Variants in PLCL1 observed in about 807,000 individuals in gnomAD.
PLCL1 encodes phospholipase C like 1 (inactive), also known as inactive phospholipase C-like protein 1.
In PLCL1, 41 loss-of-function variants were observed where a neutral mutation model predicts 84.4. The ratio of observed to expected loss-of-function variants is 0.49; its 90% CI spans 0.38 to 0.63. The LOEUF is 0.63. Among genes scored for constraint, PLCL1 ranks in the 30% least tolerant of loss-of-function variants. The pLI is 0.00. For synonymous variants in PLCL1, 490 were observed against 488.3 expected, an observed-to-expected ratio of 1.00 and a Z score of -0.05; for missense variants, 1,206 against 1,367.8, an observed-to-expected ratio of 0.88 and a Z score of 1.87.
chr2:197,973,172 G>A (rs1054369226), intron 1 of PLCL1, among the ~76,000 whole-genome samples: 1 of 152,174 alleles, frequency 6.6e-6, no homozygotes, highest in Admixed American at 6.5e-5. Flanking sequence ...GTTCCCAGAG[G>A]CTCTCAGCCA....
chr2:197,930,270 T>G (rs1209847298), intron 1 of PLCL1, among the ~76,000 whole-genome samples: 1 of 152,218 alleles, frequency 6.6e-6, no homozygotes, highest in Admixed American at 6.5e-5. Context: ...AGGAGAATCT[T>G]TAATTACTAC....
chr2:198,047,165 A>ATG (rs10560234), intron 1 of PLCL1, among the ~76,000 whole-genome samples: 2,998 of 148,824 alleles, frequency 0.02, 32 homozygotes, highest in East Asian at 0.045. Flanking sequence ...ATGTGTGTGT[A>ATG]TGTGTGTGTG....
chr2:197,923,362 G>A lies in PLCL1; in HGVS notation c.240+118023G>A, dbSNP rs540788596. Among the ~76,000 whole-genome samples the A allele has an allele frequency of 2.7e-4, 39 of 146,962 alleles. No individual in the cohort carries two copies. The South Asian group carries it at 7.8e-3, about 29-fold the overall frequency. ...TGGAGAGGCTCCTCACTTCTCAGAC[G>A]GGGCAGCTGCCGGTCGGAGGGTCTC... On this transcript the variant is annotated intron_variant, in intron 1 of 5. Coordinates refer to ENST00000428675, the MANE Select transcript of PLCL1 (RefSeq NM_006226.4).
At chr2:197,947,474 G>T (rs930339273) in intron 1 of PLCL1, among the ~76,000 whole-genome samples, 7 of 151,984 alleles carry the variant, frequency 4.6e-5, no homozygotes, top group African/African-American at 1.5e-4. Flanking sequence ...TGGGCAGAGG[G>T]TGATCCTGGA....
At chr2:197,855,216 G>C (rs915275177) in intron 1 of PLCL1, among the ~76,000 whole-genome samples, 1 of 152,258 alleles carries the variant, frequency 6.6e-6, no homozygotes, top group African/African-American at 2.4e-5. Flanking sequence ...CCTGACATTA[G>C]TTTCCTCTCA....
At chr2:197,912,898 A>G (rs1221374603) in intron 1 of PLCL1, among the ~76,000 whole-genome samples, 4 of 148,090 alleles carry the variant, frequency 2.7e-5, no homozygotes, top group Non-Finnish European at 6.0e-5. Context: ...ACATGTATAC[A>G]TATGTAACTA....
intron 1 of PLCL1, among the ~76,000 whole-genome samples, chr2:197,928,412 C>G (rs909932376): frequency 2.0e-5 from 3 of 152,110 alleles, no homozygotes; most frequent in African/African-American, 7.2e-5. Context: ...CTCTTGACCC[C>G]ATTATATTTT....
intron 5 of PLCL1, among the ~76,000 whole-genome samples, chr2:198,138,782 T>C (rs961429391): frequency 6.6e-6 from 1 of 152,208 alleles, no homozygotes; most frequent in African/African-American, 2.4e-5. Flanking sequence ...TAATCCATGG[T>C]GGGCATCCGC....
intron 1 of PLCL1, among the ~76,000 whole-genome samples, chr2:198,074,838 A>G (rs1559094288): frequency 6.6e-6 from 1 of 152,214 alleles, no homozygotes; most frequent in Non-Finnish European, 1.5e-5. Context: ...TAAATGTGCA[A>G]CATTAATTAG....
intron 5 of PLCL1, among the ~76,000 whole-genome samples, chr2:198,124,259 A>G (rs1693937331): frequency 6.6e-6 from 1 of 152,102 alleles, no homozygotes; most frequent in African/African-American, 2.4e-5. Flanking sequence ...TCGCTCAACA[A>G]ATACACACAT....
chr2:198,091,111 G>C (rs1169100444), intron 3 of PLCL1, among the ~76,000 whole-genome samples: 1 of 152,110 alleles, frequency 6.6e-6, no homozygotes, highest in Non-Finnish European at 1.5e-5. Flanking sequence ...ATTTTGGGAG[G>C]GAATTGAGTG....
intron 1 of PLCL1, among the ~76,000 whole-genome samples, chr2:197,948,599 A>G (rs1210708852): frequency 2.0e-5 from 3 of 152,044 alleles, no homozygotes; most frequent in African/African-American, 2.4e-5. Flanking sequence ...AACTTTCTAG[A>G]GGTTTAAACC....
At chr2:197,863,236 T>C (rs1250069641) in intron 1 of PLCL1, among the ~76,000 whole-genome samples, 3 of 151,886 alleles carry the variant, frequency 2.0e-5, no homozygotes, top group African/African-American at 4.8e-5. Flanking sequence ...ATTTTACAGA[T>C]GGAAGACACT....
intron 1 of PLCL1, among the ~76,000 whole-genome samples, chr2:197,822,995 CG>C (rs1690849363): frequency 6.6e-6 from 1 of 152,020 alleles, no homozygotes; most frequent in African/African-American, 2.4e-5. Flanking sequence ...TGTATAAAGC[CG>C]TTGTACTTTT....
intron 1 of PLCL1, among the ~76,000 whole-genome samples, chr2:198,036,202 A>C (rs1442421652): frequency 6.6e-6 from 1 of 152,172 alleles, no homozygotes; most frequent in Non-Finnish European, 1.5e-5. Flanking sequence ...CTTTTAGCAC[A>C]CAATTGCCTT....
chr2:198,049,009 A>G (rs953888765), intron 1 of PLCL1, among the ~76,000 whole-genome samples: 2 of 152,202 alleles, frequency 1.3e-5, no homozygotes, highest in African/African-American at 4.8e-5. Flanking sequence ...GTGAGGGGAG[A>G]TAAGGGTGGG....
chr2:197,895,934 T>C (rs1481567559), intron 1 of PLCL1, among the ~76,000 whole-genome samples: 2 of 151,958 alleles, frequency 1.3e-5, no homozygotes, highest in East Asian at 3.8e-4. Flanking sequence ...TCATGTATAA[T>C]GATGTGGGGT....
At chr2:197,950,917 A>G (rs1689378179) in intron 1 of PLCL1, among the ~76,000 whole-genome samples, 1 of 152,142 alleles carries the variant, frequency 6.6e-6, no homozygotes, top group Non-Finnish European at 1.5e-5. Context: ...TTAGACACCT[A>G]GAATAGCAGG....
At chr2:197,955,199 C>T (rs934706871) in intron 1 of PLCL1, among the ~76,000 whole-genome samples, 7 of 151,990 alleles carry the variant, frequency 4.6e-5, no homozygotes, top group Admixed American at 2.6e-4. Flanking sequence ...CTTAATACAG[C>T]TTTGCAGACA....
Sources: allele counts gnomAD v4.1 joint callset (sites outside exome capture counted in the v4.1 genomes callset), GRCh38; gene constraint gnomAD v4.1.1; transcripts MANE v1.5; gene names NCBI Gene and HGNC (gene_info 2026-07-23, HGNC 2026-07-21).